Variants in PMEPA1 observed in about 807,000 individuals in gnomAD.
PMEPA1 encodes the protein prostate transmembrane protein, androgen induced 1.
A neutral mutation model predicts 23.0 loss-of-function variants in PMEPA1; 11 were observed. The observed-to-expected ratio is 0.48, with a 90% confidence interval of 0.30 to 0.79. The LOEUF is 0.79. PMEPA1 is among the 30% of genes least tolerant of loss of function. The probability of loss-of-function intolerance (pLI) is 0.06; values close to 1 mark genes in which losing one functional copy is unlikely to be tolerated. For missense variants in PMEPA1, 377 were observed against 390.9 expected (o/e 0.96, Z 0.30); for synonymous variants, 204 against 166.4 (o/e 1.23, Z -1.74).
At chr20:57,675,438 A>G (rs540480915) in intron 1 of PMEPA1, among the ~76,000 whole-genome samples, 1 of 152,332 alleles carries the variant, frequency 6.6e-6, no homozygotes, top group East Asian at 1.9e-4. Context: ...GGTCACTGCC[A>G]TCATGACCCA....
intron 1 of PMEPA1, among the ~76,000 whole-genome samples, chr20:57,680,898 A>G (rs2071703289): frequency 6.6e-6 from 1 of 152,200 alleles, no homozygotes; most frequent in African/African-American, 2.4e-5. Flanking sequence ...GGGTGAGGGA[A>G]AGTGGCGGAG....
At chr20:57,660,309 G>A (rs1036887168) in intron 1 of PMEPA1, among the ~76,000 whole-genome samples, 4 of 151,908 alleles carry the variant, frequency 2.6e-5, no homozygotes, top group Non-Finnish European at 5.9e-5. Flanking sequence ...CTACACATAT[G>A]TCAACACACC....
chr20:57,707,594 A>G (rs2146719525), intron 1 of PMEPA1, among the ~76,000 whole-genome samples: 1 of 152,284 alleles, frequency 6.6e-6, no homozygotes, highest in South Asian at 2.1e-4. Context: ...ATGTCAGGTC[A>G]AAAACATCAT....
intron 1 of PMEPA1, among the ~76,000 whole-genome samples, chr20:57,675,415 G>A (rs1430660238): frequency 1.3e-5 from 2 of 152,212 alleles, no homozygotes; most frequent in Non-Finnish European, 2.9e-5. Context: ...TCAGGAGCCC[G>A]ACTGAGCTGG....
intron 2 of PMEPA1, among the ~76,000 whole-genome samples, 196 bp from the exon 3 acceptor site, chr20:57,653,282 C>G (rs1451811286): frequency 6.6e-6 from 1 of 152,184 alleles, no homozygotes; most frequent in East Asian, 1.9e-4. Context: ...CACCTCCTCA[C>G]TGATCCCTGA....
At chr20:57,690,281 C>A (rs2071860300) in intron 1 of PMEPA1, 4 of 534,032 alleles carry the variant, frequency 7.5e-6, no homozygotes, top group Admixed American at 4.8e-5. Flanking sequence ...GGGCACAGAC[C>A]ACCCGGGGGG....
intron 2 of PMEPA1, among the ~76,000 whole-genome samples, chr20:57,653,910 C>T (rs1233701977): frequency 6.6e-6 from 1 of 152,112 alleles, no homozygotes; most frequent in Non-Finnish European, 1.5e-5. Context: ...TACAGTCTTT[C>T]TCTCCCTTGA....
chr20:57,700,345 C>G (rs1471614733), intron 1 of PMEPA1, among the ~76,000 whole-genome samples: 1 of 152,250 alleles, frequency 6.6e-6, no homozygotes, highest in African/African-American at 2.4e-5. Flanking sequence ...GTGCCAAGAT[C>G]GTGCAACTTT....
Position 57,700,052 on chromosome 20 carries a change from T to G in PMEPA1, c.109+9422A>C. 3 of 471,226 alleles carry G rather than the reference T, an allele frequency of 6.4e-6. 1 individual carries two copies. Among genetic ancestry groups the G allele is most frequent in the South Asian group, 4.6e-5 (3 of 64,576 alleles). The allele number at this position is 471,226 out of a possible 1,614,324, so 29.2% of individuals were successfully genotyped here. A position where few individuals can be genotyped will look rare whatever the true frequency, so the allele number is the denominator to read the frequency against. On this transcript the variant is annotated intron_variant, in intron 1 of 3. Coordinates refer to ENST00000341744, the MANE Select transcript of PMEPA1 (RefSeq NM_020182.5). ...CTTAACCACTGACACTCAGGCAAATTCATGGCTGGATTTGTCACTTTCATG... is the reference window on the plus strand; with the variant it reads ...CTTAACCACTGACACTCAGGCAAATGCATGGCTGGATTTGTCACTTTCATG...
At chr20:57,693,793 G>GCT in intron 1 of PMEPA1, among the ~76,000 whole-genome samples, 1 of 152,134 alleles carries the variant, frequency 6.6e-6, no homozygotes, top group Non-Finnish European at 1.5e-5. Context: ...TGCGACCTGG[G>GCT]GCAGGATACA....
At chr20:57,663,633 C>G (rs908569009) in intron 1 of PMEPA1, among the ~76,000 whole-genome samples, 3 of 152,222 alleles carry the variant, frequency 2.0e-5, no homozygotes, top group African/African-American at 7.2e-5. Context: ...CTGGAGGGCT[C>G]CCTGTAAGGT....
intron 1 of PMEPA1, among the ~76,000 whole-genome samples, chr20:57,670,205 T>TG (rs36105626): frequency 0.012 from 596 of 50,628 alleles, no homozygotes; most frequent in Non-Finnish European, 0.014. Flanking sequence ...AGGGGTGGGG[T>TG]GGGGGGGGTA....
intron 1 of PMEPA1, among the ~76,000 whole-genome samples, chr20:57,700,821 A>G (rs1308747455): frequency 6.6e-6 from 1 of 152,160 alleles, no homozygotes; most frequent in East Asian, 1.9e-4. Context: ...GGAGGTCAGG[A>G]GTTTGAGACC....
rs1476279219 is a variant in PMEPA1 at position 57,649,961 on chromosome 20, C to T, written c.*2092G>A. ...TTTACAAGTGCGTCCTTGTACCTTT[C>T]GGGATAACCTGTACTGATTTCTCTG... is the stretch of plus-strand genomic sequence containing the variant. On this transcript the variant is annotated 3_prime_UTR_variant, in exon 4 of 4. Coordinates refer to ENST00000341744, the MANE Select transcript of PMEPA1 (RefSeq NM_020182.5). 2 of 152,766 alleles carry T rather than the reference C, an allele frequency of 1.3e-5. No individual in the cohort carries two copies. Among genetic ancestry groups the T allele is most frequent in the South Asian group, 4.1e-4 (2 of 4,826 alleles). The allele number at this position is 152,766 out of a possible 1,614,324, so 9.5% of individuals were successfully genotyped here.
intron 1 of PMEPA1, among the ~76,000 whole-genome samples, chr20:57,693,743 A>T (rs2071912182): frequency 6.6e-6 from 1 of 152,136 alleles, no homozygotes; most frequent in African/African-American, 2.4e-5. Flanking sequence ...GAACATCGAG[A>T]TCTTGGTTAA....
chr20:57,701,415 C>A (rs2072009639), intron 1 of PMEPA1, among the ~76,000 whole-genome samples: 1 of 152,204 alleles, frequency 6.6e-6, no homozygotes, highest in African/African-American at 2.4e-5. Context: ...GGGCCTGCAG[C>A]AAGCTCTGGC....
At chr20:57,697,835 G>T (rs2071960630) in intron 1 of PMEPA1, among the ~76,000 whole-genome samples, 1 of 152,226 alleles carries the variant, frequency 6.6e-6, no homozygotes. Context: ...TAGGGCCAAA[G>T]CAACTAATAA....
rs551842956 is a variant in PMEPA1 at position 57,656,349 on chromosome 20, C to T, written c.264+3194G>A. Among the ~76,000 whole-genome samples, 10 of 151,676 alleles carry T rather than the reference C, an allele frequency of 6.6e-5. No homozygotes were observed. The highest frequency in any genetic ancestry group is 2.4e-4 in the African/African-American group (10 of 41,446). On this transcript the variant is annotated intron_variant, in intron 2 of 3. Coordinates refer to ENST00000341744, the MANE Select transcript of PMEPA1 (RefSeq NM_020182.5). This position sits in a 1 kb window ranked among gnomAD's most constrained non-coding sequence, Gnocchi z 4.7. ...TTGTCCCTGCCCCTGGGAAATGGGC[C>T]CTTGGTGGGCTGGGTTCTCTCGGGA...
At chr20:57,689,310 C>T (rs913548866) in intron 1 of PMEPA1, among the ~76,000 whole-genome samples, 18 of 152,166 alleles carry the variant, frequency 1.2e-4, no homozygotes, top group Non-Finnish European at 2.2e-4. Context: ...CCTGACCCTT[C>T]GGAACAAAGG....
Sources: allele counts gnomAD v4.1 joint callset (sites outside exome capture counted in the v4.1 genomes callset), GRCh38; gene constraint gnomAD v4.1.1; non-coding constraint Gnocchi (gnomAD v3.1); transcripts MANE v1.5; gene names NCBI Gene and HGNC (gene_info 2026-07-23, HGNC 2026-07-21).